Variants in PRDM16 observed in about 807,000 individuals in gnomAD.
PRDM16 encodes the protein PR/SET domain 16.
In PRDM16, 23 loss-of-function variants were observed where a neutral mutation model predicts 110.6. That is an observed-to-expected ratio of 0.21 (90% CI 0.15 to 0.29). The LOEUF is 0.29. Ranked by LOEUF, PRDM16 falls within the 10% of genes least tolerant of loss-of-function variation. The pLI, the probability that PRDM16 is intolerant of heterozygous loss-of-function variation, is 1.00. For missense variants in PRDM16, 1,615 were observed against 1,794.3 expected, an observed-to-expected ratio of 0.90 and a Z score of 1.81; for synonymous variants, 799 against 781.8, an observed-to-expected ratio of 1.02 and a Z score of -0.37.
intron 2 of PRDM16, among the ~76,000 whole-genome samples, chr1:3,227,157 T>C (rs1639306730): frequency 2.6e-5 from 4 of 152,260 alleles, no homozygotes; most frequent in Admixed American, 2.6e-4. Context: ...AGCCAGCCTG[T>C]GCTCCAAGCC....
intron 1 of PRDM16, among the ~76,000 whole-genome samples, chr1:3,156,203 C>A (rs916285356): frequency 7.9e-5 from 12 of 152,108 alleles, no homozygotes; most frequent in African/African-American, 2.7e-4. Context: ...ATGAGGGTCC[C>A]GGGCTGCTCT....
chr1:3,189,501 C>T (rs571173419), intron 2 of PRDM16, among the ~76,000 whole-genome samples: 2 of 152,342 alleles, frequency 1.3e-5, no homozygotes, highest in East Asian at 1.9e-4. Context: ...CCCATGCGTG[C>T]GTGTCGTCTC....
At chr1:3,405,027 G>A (rs1044222137) in intron 7 of PRDM16, 141 bp downstream of exon 7, 16 of 849,304 alleles carry the variant, frequency 1.9e-5, no homozygotes, top group East Asian at 2.7e-5. Context: ...GCGGTGGCTC[G>A]GGCCCTTCCG....
intron 2 of PRDM16, among the ~76,000 whole-genome samples, chr1:3,235,892 G>C (rs1346691034): frequency 6.6e-6 from 1 of 152,220 alleles, no homozygotes; most frequent in Admixed American, 6.5e-5. Context: ...AGCCCATCGA[G>C]CATGGCGGGG....
intron 3 of PRDM16, among the ~76,000 whole-genome samples, chr1:3,280,236 G>A (rs1192618236): frequency 2.0e-5 from 3 of 152,200 alleles, no homozygotes; most frequent in Admixed American, 1.3e-4. Context: ...CTGTGTGTTC[G>A]TGTGTTGGTG....
chr1:3,159,445 G>T (rs1569718659), intron 1 of PRDM16, among the ~76,000 whole-genome samples: 1 of 152,198 alleles, frequency 6.6e-6, no homozygotes, highest in East Asian at 1.9e-4. Flanking sequence ...TCTCCTTCTG[G>T]TGTCCTCACA....
At chr1:3,203,224 C>T (rs1638673941) in intron 2 of PRDM16, among the ~76,000 whole-genome samples, 1 of 151,364 alleles carries the variant, frequency 6.6e-6, no homozygotes, top group Non-Finnish European at 1.5e-5. Context: ...GGGGCCAGGG[C>T]TTTGGCGGTC....
intron 3 of PRDM16, among the ~76,000 whole-genome samples, chr1:3,355,764 G>C (rs1301484686): frequency 6.6e-6 from 1 of 152,188 alleles, no homozygotes; most frequent in African/African-American, 2.4e-5. Context: ...TTCAGGGGTT[G>C]CGGTCCACTT....
intron 2 of PRDM16, among the ~76,000 whole-genome samples, chr1:3,221,715 G>T (rs914211940): frequency 6.6e-6 from 1 of 152,148 alleles, no homozygotes; most frequent in Non-Finnish European, 1.5e-5. Context: ...CCATGTACAC[G>T]CATGCACACA....
At chr1:3,258,520 G>GA (rs1361784492) in intron 3 of PRDM16, among the ~76,000 whole-genome samples, 3 of 152,222 alleles carry the variant, frequency 2.0e-5, no homozygotes, top group Non-Finnish European at 4.4e-5. Context: ...CAGTTAACAA[G>GA]ATGTTTCTCC....
chr1:3,106,213 A>G (rs1642649102), intron 1 of PRDM16, among the ~76,000 whole-genome samples: 1 of 152,206 alleles, frequency 6.6e-6, no homozygotes, highest in Non-Finnish European at 1.5e-5. Flanking sequence ...AGCCCTGGTG[A>G]GCAGGTGGCC....
chr1:3,219,582 G>C (rs998216387), intron 2 of PRDM16, among the ~76,000 whole-genome samples: 40 of 152,154 alleles, frequency 2.6e-4, no homozygotes, highest in Admixed American at 7.9e-4. Flanking sequence ...AATTACCCAG[G>C]TCTGTCTGCA....
chr1:3,381,240 G>A (rs146025379), intron 3 of PRDM16, among the ~76,000 whole-genome samples: 2,296 of 152,202 alleles, frequency 0.015, 24 homozygotes, highest in Admixed American at 0.021. Context: ...GCAGGAACAC[G>A]CCCACACACA....
intron 1 of PRDM16, among the ~76,000 whole-genome samples, chr1:3,076,209 CGT>C (rs1404467743): frequency 6.6e-6 from 1 of 152,156 alleles, no homozygotes; most frequent in African/African-American, 2.4e-5. Context: ...TGTCCAAGCA[CGT>C]GTGTGTGTCC....
chr1:3,263,011 C>T (rs1180479713), intron 3 of PRDM16, among the ~76,000 whole-genome samples: 1 of 152,124 alleles, frequency 6.6e-6, no homozygotes, highest in Non-Finnish European at 1.5e-5. Context: ...GATGGAGGTG[C>T]CCCGGCGGAT....
chr1:3,244,295 C>T lies in PRDM16; in HGVS notation c.438+158C>T, dbSNP rs1639738845. ...TGTTATCTGTGGACTGACGTGTGCACAGGACGGTGGCTTTGCTGTCATTAG... is the reference window on the plus strand; with the variant it reads ...TGTTATCTGTGGACTGACGTGTGCATAGGACGGTGGCTTTGCTGTCATTAG... On this transcript the variant is annotated intron_variant, in intron 3 of 16. Transcript: ENST00000270722. This position sits in a 1 kb window ranked among gnomAD's most constrained non-coding sequence, Gnocchi z 4.1. Among the ~76,000 whole-genome samples the T allele has an allele frequency of 6.6e-6, 1 of 152,092 alleles. No homozygotes were observed. Among genetic ancestry groups the T allele is most frequent in the Admixed American group, 6.5e-5 (1 of 15,276 alleles).
In PRDM16 at chr1:3,133,276, G is replaced by T. The variant is rs940000967; in HGVS notation, c.38-52849G>T. The T allele has an allele frequency of 2.6e-5, 4 of 152,244 alleles. No homozygotes were observed. The East Asian group carries it at 5.8e-4, about 22-fold the overall frequency. 9.4% of individuals were successfully genotyped at this position (152,244 alleles called of 1,614,324 possible). A position where few individuals can be genotyped will look rare whatever the true frequency, so the allele number is the denominator to read the frequency against. On this transcript the variant is annotated intron_variant, in intron 1 of 16. Coordinates refer to ENST00000270722, the MANE Select transcript of PRDM16 (RefSeq NM_022114.4). ...GGAGGCTCCTACAGGAAAATCCAGG[G>T]GTTGCTTTTCCCACCGCAAACCATG...
intron 3 of PRDM16, among the ~76,000 whole-genome samples, chr1:3,273,609 C>T (rs1055553312): frequency 3.3e-5 from 5 of 151,156 alleles, no homozygotes; most frequent in South Asian, 2.1e-4. Context: ...TGTGTATGTA[C>T]GGGCACGTAA....
chr1:3,181,729 CGGTCTTACACACGG>C (rs1644202066), intron 1 of PRDM16, among the ~76,000 whole-genome samples: 3 of 92,234 alleles, frequency 3.3e-5, no homozygotes. Flanking sequence ...GTCTTACACA[CGGTCTTACACACGG>C]AGTCTTACAC....
Sources: allele counts gnomAD v4.1 joint callset (sites outside exome capture counted in the v4.1 genomes callset), GRCh38; gene constraint gnomAD v4.1.1; non-coding constraint Gnocchi (gnomAD v3.1); transcripts MANE v1.5; gene names NCBI Gene and HGNC (gene_info 2026-07-23, HGNC 2026-07-21).